Variants in PTPRG observed in about 807,000 individuals in gnomAD.
PTPRG encodes protein tyrosine phosphatase receptor type G.
A neutral mutation model predicts 165.3 loss-of-function variants in PTPRG; 102 were observed. That is an observed-to-expected ratio of 0.62 (90% CI 0.53 to 0.73). The LOEUF (loss-of-function observed/expected upper bound fraction) is 0.73, where lower values mean the gene tolerates loss of function less well. Ranked by LOEUF, PTPRG falls within the 30% of genes least tolerant of loss-of-function variation. The pLI is 0.00. For synonymous variants in PTPRG, 675 were observed against 669.5 expected (o/e 1.01, Z -0.13); for missense variants, 1,866 against 1,861.4 (o/e 1.00, Z -0.05).
chr3:61,890,552 C>T (rs1403111256), intron 2 of PTPRG, among the ~76,000 whole-genome samples: 1 of 151,622 alleles, frequency 6.6e-6, no homozygotes, highest in African/African-American at 2.4e-5. Flanking sequence ...TTCCTTGAAG[C>T]AGCTATTTTT....
intron 23 of PTPRG, among the ~76,000 whole-genome samples, chr3:62,275,393 A>G (rs367691660): frequency 6.6e-6 from 1 of 152,184 alleles, no homozygotes; most frequent in East Asian, 1.9e-4. Flanking sequence ...GTGACATCAC[A>G]TAACAGAAGA....
chr3:61,853,001 A>G (rs2037007435), intron 2 of PTPRG, among the ~76,000 whole-genome samples: 1 of 152,156 alleles, frequency 6.6e-6, no homozygotes, highest in South Asian at 2.1e-4. Context: ...GTTCATCTAA[A>G]TTCCATTTAT....
At chr3:62,045,099 A>G (rs1163222045) in intron 4 of PTPRG, among the ~76,000 whole-genome samples, 1 of 152,172 alleles carries the variant, frequency 6.6e-6, no homozygotes, top group Non-Finnish European at 1.5e-5. Context: ...TAGTTGTCTC[A>G]GAATGCTACC....
intron 1 of PTPRG, among the ~76,000 whole-genome samples, chr3:61,566,752 C>G (rs766890904): frequency 6.6e-6 from 1 of 152,186 alleles, no homozygotes; most frequent in Admixed American, 6.5e-5. Flanking sequence ...GGTGCTCTGC[C>G]CACCTCGGCC....
intron 1 of PTPRG, among the ~76,000 whole-genome samples, chr3:61,605,159 CAGTT>C (rs776836052): frequency 5.9e-5 from 9 of 152,204 alleles, no homozygotes; most frequent in South Asian, 2.1e-4. Flanking sequence ...TTTTCTCATT[CAGTT>C]AGTTAAGTAC....
chr3:62,182,939 G>T (rs897435336), intron 8 of PTPRG, among the ~76,000 whole-genome samples: 4 of 152,240 alleles, frequency 2.6e-5, no homozygotes, highest in African/African-American at 9.6e-5. Flanking sequence ...ACAGGCATGA[G>T]CCACTACGCC....
chr3:61,870,841 A>G (rs993251088), intron 2 of PTPRG, among the ~76,000 whole-genome samples: 80 of 152,262 alleles, frequency 5.3e-4, no homozygotes, highest in Non-Finnish European at 6.3e-4. Context: ...GCTTCTTTCT[A>G]TGAAATAAAT....
chr3:61,900,872 G>T (rs1035941246), intron 2 of PTPRG, among the ~76,000 whole-genome samples: 12 of 152,130 alleles, frequency 7.9e-5, no homozygotes, highest in African/African-American at 2.9e-4. Flanking sequence ...TCCTGGTCCC[G>T]CTGTGGTTTT....
intron 3 of PTPRG, among the ~76,000 whole-genome samples, chr3:61,991,205 C>T (rs2040880193): frequency 2.6e-5 from 4 of 152,066 alleles, no homozygotes; most frequent in South Asian, 2.1e-4. Flanking sequence ...GTTATTTGTA[C>T]GTAATTTTTT....
intron 1 of PTPRG, among the ~76,000 whole-genome samples, chr3:61,693,091 C>T (rs1201587637): frequency 6.6e-6 from 1 of 152,028 alleles, no homozygotes; most frequent in Non-Finnish European, 1.5e-5. Flanking sequence ...AAAAGATTAA[C>T]AATGGAAGAA....
At chr3:61,892,683 G>A (rs1482881704) in intron 2 of PTPRG, among the ~76,000 whole-genome samples, 2 of 152,040 alleles carry the variant, frequency 1.3e-5, no homozygotes, top group Non-Finnish European at 2.9e-5. Flanking sequence ...GGGTGTGGTG[G>A]AACGTTCCTG....
chr3:61,746,240 A>G (rs1228994818), intron 1 of PTPRG, among the ~76,000 whole-genome samples: 2 of 103,264 alleles, frequency 1.9e-5, no homozygotes, highest in Admixed American at 1.1e-4. Context: ...TTTTTTTGAG[A>G]CAGAATCTCG....
intron 2 of PTPRG, among the ~76,000 whole-genome samples, chr3:61,980,175 C>G (rs947169324): frequency 6.6e-6 from 1 of 152,132 alleles, no homozygotes; most frequent in African/African-American, 2.4e-5. Context: ...GTGTTTAAAC[C>G]AGACCTTAAC....
chr3:61,823,937 TAAC>T (rs2036031320), intron 2 of PTPRG, among the ~76,000 whole-genome samples: 1 of 152,050 alleles, frequency 6.6e-6, no homozygotes. Flanking sequence ...CCATCCTGGC[TAAC>T]ACAGGGAAAC....
chr3:61,814,158 C>T (rs1196147821), intron 2 of PTPRG, among the ~76,000 whole-genome samples: 2 of 152,184 alleles, frequency 1.3e-5, no homozygotes, highest in African/African-American at 2.4e-5. Context: ...GCCTCAGCCT[C>T]CCAAAGTGCT....
chr3:61,967,292 C>T (rs1275418797), intron 2 of PTPRG, among the ~76,000 whole-genome samples: 2 of 152,148 alleles, frequency 1.3e-5, no homozygotes. Flanking sequence ...TGATCTCTTG[C>T]ATTGAACTAT....
At chr3:61,613,664 G>C (rs568030599) in intron 1 of PTPRG, among the ~76,000 whole-genome samples, 2 of 152,332 alleles carry the variant, frequency 1.3e-5, no homozygotes, top group African/African-American at 4.8e-5. Flanking sequence ...GGCATTGTTT[G>C]TTAAGGGGGA....
At position 62,267,455 on chromosome 3, in the gene PTPRG, C is replaced by G. The variant is rs1701917159; in HGVS notation, c.2702C>G (p.Ser901Cys). ...VKLRPLPGKDSKHSDYINANY... is the reference protein window; with the variant it reads ...VKLRPLPGKDCKHSDYINANY... ...TTAAGACCTTTACCAGGAAAAGACT[C>G]TAAGCACAGCGACTACATTAATGCA... The change falls in exon 18 of 30, where the codon TCT (serine) becomes TGT (cysteine). Residue 901 changes from serine to cysteine, a missense_variant. By Grantham distance (112) the Ser-to-Cys change is moderately radical. Transcript: ENST00000474889. 1.2e-6 allele frequency: 2 copies of G among 1,612,122 alleles called. No individual in the cohort carries two copies. The highest frequency in any genetic ancestry group is 2.2e-5 in the East Asian group (1 of 44,842).
intron 6 of PTPRG, among the ~76,000 whole-genome samples, chr3:62,141,549 A>G (rs538582898): frequency 2.0e-5 from 3 of 152,280 alleles, no homozygotes; most frequent in Non-Finnish European, 2.9e-5. Flanking sequence ...TAGTGAGCCA[A>G]GATTGTGCCA....
Sources: allele counts gnomAD v4.1 joint callset (sites outside exome capture counted in the v4.1 genomes callset), GRCh38; gene constraint gnomAD v4.1.1; transcripts MANE v1.5; gene names NCBI Gene and HGNC (gene_info 2026-07-23, HGNC 2026-07-21).